The following SEMA3E variants were observed in gnomAD, a reference collection of about 807,000 sequenced individuals.
SEMA3E encodes the protein semaphorin-3E.
A neutral mutation model predicts 93.6 loss-of-function variants in SEMA3E; 49 were observed. That is an observed-to-expected ratio of 0.52 (90% CI 0.42 to 0.66). SEMA3E has a LOEUF of 0.66. Ranked by LOEUF, SEMA3E falls within the 30% of genes least tolerant of loss-of-function variation. SEMA3E has a pLI of 0.00. For missense variants in SEMA3E, 906 were observed against 964.8 expected (o/e 0.94, Z 0.81); for synonymous variants, 363 against 330.7 (o/e 1.10, Z -1.06).
intron 1 of SEMA3E, among the ~76,000 whole-genome samples, chr7:83,643,666 T>C (rs1056484336): frequency 2.0e-5 from 3 of 152,004 alleles, no homozygotes; most frequent in Non-Finnish European, 4.4e-5. Flanking sequence ...CTAAAATTCA[T>C]AGGAAGGCTC....
chr7:83,396,072 TAA>T (rs1788113557), intron 12 of SEMA3E, among the ~76,000 whole-genome samples: 1 of 144,768 alleles, frequency 6.9e-6, no homozygotes, highest in African/African-American at 2.5e-5. Context: ...TGTGTGTGTA[TAA>T]GTGCATATGT....
intron 1 of SEMA3E, among the ~76,000 whole-genome samples, chr7:83,534,269 T>G (rs1223100888): frequency 1.3e-5 from 2 of 152,200 alleles, no homozygotes; most frequent in Non-Finnish European, 2.9e-5. Context: ...TTACGTCTGT[T>G]GGGAGCAAGG....
In SEMA3E at chr7:83,462,317, T is replaced by C. The variant is rs551797051; in HGVS notation, c.456+4165A>G. On this transcript the variant is annotated intron_variant, in intron 4 of 16. Coordinates refer to ENST00000643230, the MANE Select transcript of SEMA3E (RefSeq NM_012431.3). ...CATAACTGTTGTGGGTATTGACAGC[T>C]AGGCTTCTAAACTTCTTAAAACTCC... Among the ~76,000 whole-genome samples, 1,206 of 152,274 alleles carry C rather than the reference T, an allele frequency of 7.9e-3. 16 individuals are homozygous for C. The highest frequency in any genetic ancestry group is 0.027 in the African/African-American group (1,138 of 41,536).
chr7:83,619,439 T>C (rs1350322415), intron 1 of SEMA3E, among the ~76,000 whole-genome samples: 1 of 151,946 alleles, frequency 6.6e-6, no homozygotes, highest in Non-Finnish European at 1.5e-5. Flanking sequence ...GACTTTTATA[T>C]TGTATCAAGC....
intron 2 of SEMA3E, among the ~76,000 whole-genome samples, chr7:83,469,569 C>T (rs1184473859): frequency 2.0e-5 from 3 of 151,938 alleles, no homozygotes; most frequent in African/African-American, 7.3e-5. Flanking sequence ...CAGAGGACAG[C>T]CATGCCTTAA....
chr7:83,532,962 A>T (rs1282454701), intron 1 of SEMA3E, among the ~76,000 whole-genome samples: 1 of 152,112 alleles, frequency 6.6e-6, no homozygotes, highest in African/African-American at 2.4e-5. Context: ...ATGAAGACTA[A>T]GTCCAAAAGA....
intron 1 of SEMA3E, among the ~76,000 whole-genome samples, chr7:83,517,861 AAG>A: frequency 6.6e-6 from 1 of 152,292 alleles, no homozygotes; most frequent in Admixed American, 6.5e-5. Context: ...AGTAATTTGA[AAG>A]ACAAGAGAGA....
At position 83,463,208 on chromosome 7, in the gene SEMA3E, C is replaced by T. The variant is rs57871446; in HGVS notation, c.456+3274G>A. Among the ~76,000 whole-genome samples, 877 of 150,892 alleles carry T rather than the reference C, an allele frequency of 5.8e-3. 7 individuals carry two copies. Among genetic ancestry groups the T allele is most frequent in the African/African-American group, 0.02 (824 of 41,220 alleles). ...TCCTTTCCTTCCTAGGCATGGTTAG[C>T]GCGGTCAGAATTCTTACACAAGAGC... On this transcript the variant is annotated intron_variant, in intron 4 of 16. Coordinates refer to ENST00000643230, the MANE Select transcript of SEMA3E (RefSeq NM_012431.3).
intron 1 of SEMA3E, among the ~76,000 whole-genome samples, chr7:83,593,026 C>T (rs982384133): frequency 5.9e-5 from 9 of 151,954 alleles, no homozygotes; most frequent in African/African-American, 2.2e-4. Context: ...AATTACAGCT[C>T]ACTGCAGCCT....
At chr7:83,371,021 C>T (rs963756885) in intron 16 of SEMA3E, among the ~76,000 whole-genome samples, 1 of 151,370 alleles carries the variant, frequency 6.6e-6, no homozygotes, top group East Asian at 2.0e-4. Context: ...CTCAAACTAG[C>T]GTTGGTGGAA....
intron 11 of SEMA3E, among the ~76,000 whole-genome samples, chr7:83,397,391 CA>C (rs973044334): frequency 1.3e-5 from 2 of 151,804 alleles, no homozygotes; most frequent in Non-Finnish European, 2.9e-5. Context: ...ATTTTTTTAC[CA>C]AAAGCTACTT....
At chr7:83,555,750 A>G (rs956580354) in intron 1 of SEMA3E, among the ~76,000 whole-genome samples, 1 of 152,192 alleles carries the variant, frequency 6.6e-6, no homozygotes, top group African/African-American at 2.4e-5. Flanking sequence ...TTCTCTGAAC[A>G]TACTAATTTA....
intron 4 of SEMA3E, among the ~76,000 whole-genome samples, chr7:83,446,325 C>G (rs1307313377): frequency 2.0e-5 from 3 of 152,174 alleles, no homozygotes; most frequent in Admixed American, 6.5e-5. Flanking sequence ...AGGCATCTTA[C>G]AATTGTCTCT....
intron 1 of SEMA3E, among the ~76,000 whole-genome samples, chr7:83,582,120 TC>T (rs1303791288): frequency 6.6e-6 from 1 of 151,278 alleles, no homozygotes; most frequent in Non-Finnish European, 1.5e-5. Context: ...CAAGCATTTT[TC>T]CCATATATAA....
chr7:83,453,182 C>T (rs137919546), intron 4 of SEMA3E, among the ~76,000 whole-genome samples: 2,247 of 152,082 alleles, frequency 0.015, 56 homozygotes, highest in African/African-American at 0.051. Flanking sequence ...GGCCCACCAC[C>T]ACGCCTGGCT....
chr7:83,539,484 A>G (rs370534651), intron 1 of SEMA3E, among the ~76,000 whole-genome samples: 3 of 152,142 alleles, frequency 2.0e-5, no homozygotes, highest in East Asian at 3.9e-4. Flanking sequence ...ATAATCTCGT[A>G]CTTCCAACTC....
chr7:83,392,431 C>T (rs868341453), intron 14 of SEMA3E, 124 bp downstream of exon 14: 4 of 1,073,312 alleles, frequency 3.7e-6, no homozygotes, highest in African/African-American at 1.6e-5. Flanking sequence ...ATGTTCAGTG[C>T]CAGTCTCTGT....
intron 2 of SEMA3E, among the ~76,000 whole-genome samples, chr7:83,486,731 C>A (rs924696871): frequency 1.3e-5 from 2 of 152,090 alleles, no homozygotes; most frequent in African/African-American, 2.4e-5. Context: ...GCTAATGAAG[C>A]ATAACAAGCC....
At chr7:83,373,034 C>T (rs1047801832) in intron 16 of SEMA3E, 2 of 152,030 alleles carry the variant, frequency 1.3e-5, no homozygotes, top group Admixed American at 1.3e-4. Flanking sequence ...CATAATACAT[C>T]ATTTCTATCA....
Sources: gnomAD v4.1 joint callset for allele counts (sites outside exome capture counted in the v4.1 genomes callset) on GRCh38, gnomAD v4.1.1 for gene constraint, MANE v1.5 for transcripts, NCBI Gene and HGNC (gene_info 2026-07-23, HGNC 2026-07-21) for gene names.